Variants in TARS3 observed in about 807,000 individuals in gnomAD.
TARS3 encodes the protein threonyl-tRNA synthetase 3.
In TARS3, 94 loss-of-function variants were observed where a neutral mutation model predicts 103.5. The ratio of observed to expected loss-of-function variants is 0.91; its 90% CI spans 0.77 to 1.08. The LOEUF is 1.08. Among genes scored for constraint, TARS3 ranks in the 50% least tolerant of loss-of-function variants. TARS3 has a pLI of 0.00. For synonymous variants in TARS3, 416 were observed against 355.4 expected (o/e 1.17, Z -1.92); for missense variants, 952 against 995.2 (o/e 0.96, Z 0.58).
chr15:101,720,361 C>CTATATTAGATACTA (rs1900386541), intron 3 of TARS3, among the ~76,000 whole-genome samples: 1 of 152,218 alleles, frequency 6.6e-6, no homozygotes, highest in Non-Finnish European at 1.5e-5. Flanking sequence ...TATAAGTTCA[C>CTATATTAGATACTA]TAATGTATCT....
chr15:101,657,138 C>T (rs1897222114), intron 17 of TARS3, 102 bp from the exon 18 acceptor site: 1 of 720,532 alleles, frequency 1.4e-6, no homozygotes, highest in Admixed American at 2.5e-5. Flanking sequence ...TGTATAGTTC[C>T]CTGCTCACTA....
Position 101,684,084 on chromosome 15 carries a change from T to C in TARS3, c.1641A>G (p.Thr547=), listed in dbSNP as rs893294662. The change falls in exon 12 of 19, where the codon ACA becomes ACG. Residue 547 remains threonine, a synonymous_variant. Transcript: ENST00000335968. ...FQQDDAHIFC[T]VEQIEEEIKG... ...CTGTGTTATTGTTTACCTGCTCCAC[T>C]GTGCAAAAAATGTGAGCATCGTCCT... The C allele has an allele frequency of 2.7e-5, 44 of 1,612,882 alleles. No individual in the cohort carries two copies. Among genetic ancestry groups the C allele is most frequent in the Non-Finnish European group, 3.7e-5 (44 of 1,179,452 alleles).
In TARS3 at chr15:101,653,935, CTG is replaced by C. The variant is rs1327654547; in HGVS notation, c.*645_*646del. On this transcript the variant is annotated 3_prime_UTR_variant, in exon 19 of 19. Transcript: ENST00000335968. ...GCCCACAGCTGAAACGCTGGAAACACTGATGCAATTCATTTGGGAATTTATTT... is the reference window on the plus strand; with the variant it reads ...GCCCACAGCTGAAACGCTGGAAACACATGCAATTCATTTGGGAATTTATTT... 1 of 152,290 alleles carries C rather than the reference CTG, an allele frequency of 6.6e-6. No individual in the cohort carries two copies. Among genetic ancestry groups the C allele is most frequent in the Non-Finnish European group, 1.5e-5 (1 of 68,092 alleles). 9.4% of individuals were successfully genotyped at this position (152,290 alleles called of 1,614,324 possible).
intron 9 of TARS3, 135 bp downstream of exon 9, chr15:101,702,104 G>A: frequency 1.1e-6 from 1 of 918,456 alleles, no homozygotes; most frequent in Non-Finnish European, 1.7e-6. Flanking sequence ...GCACTGAGCA[G>A]CGGACTGTGA....
At chr15:101,696,492 G>A (rs1898989133) in intron 10 of TARS3, among the ~76,000 whole-genome samples, 2 of 152,148 alleles carry the variant, frequency 1.3e-5, no homozygotes, top group South Asian at 4.1e-4. Flanking sequence ...TTGGAACTAT[G>A]AAAGACAGTA....
At position 101,674,611 on chromosome 15, in the gene TARS3, C is replaced by T. The variant is rs1381148263; in HGVS notation, c.1788+989G>A. ...CAGGAGGTCAGGAGATCGAGACCAT[C>T]CTGGCTAACACGGTGAAGCCCTGTC... On this transcript the variant is annotated intron_variant, in intron 13 of 18. Coordinates refer to ENST00000335968, the MANE Select transcript of TARS3 (RefSeq NM_152334.3). 2.6e-5 allele frequency among the ~76,000 whole-genome samples: 4 copies of T among 151,968 alleles called. 1 individual carries two copies. Among genetic ancestry groups the T allele is most frequent in the Non-Finnish European group, 5.9e-5 (4 of 67,984 alleles).
chr15:101,719,203 A>G (rs1221729355), intron 3 of TARS3, among the ~76,000 whole-genome samples: 2 of 152,008 alleles, frequency 1.3e-5, no homozygotes, highest in Admixed American at 1.3e-4. Flanking sequence ...ACTCCCTGCT[A>G]TATTTCTCCT....
chr15:101,667,487 T>C (rs190452280), intron 15 of TARS3, among the ~76,000 whole-genome samples: 21 of 152,342 alleles, frequency 1.4e-4, no homozygotes, highest in African/African-American at 4.8e-4. Flanking sequence ...ATCTTCATCA[T>C]TGATCTTAGC....
intron 10 of TARS3, among the ~76,000 whole-genome samples, chr15:101,699,003 G>A (rs895843639): frequency 1.3e-5 from 2 of 152,176 alleles, no homozygotes; most frequent in African/African-American, 4.8e-5. Context: ...CCCTAACCCA[G>A]TGCAATCTCT....
intron 16 of TARS3, among the ~76,000 whole-genome samples, chr15:101,660,612 G>A (rs1437432090): frequency 2.0e-5 from 3 of 152,184 alleles, no homozygotes; most frequent in Non-Finnish European, 4.4e-5. Flanking sequence ...CATGATGAAA[G>A]GGATCCAACG....
At chr15:101,722,011 T>A (rs917079949) in intron 2 of TARS3, among the ~76,000 whole-genome samples, 6 of 152,226 alleles carry the variant, frequency 3.9e-5, no homozygotes, top group Non-Finnish European at 2.9e-5. Context: ...TAGGCTAGGC[T>A]AAACTACGAT....
chr15:101,714,605 CAAAAAAAAAAAAA>C (rs35014693), intron 4 of TARS3: 7 of 77,762 alleles, frequency 9.0e-5, no homozygotes, highest in South Asian at 4.5e-4. Flanking sequence ...GACTCCATCT[CAAAAAAAAAAAAA>C]AAAAAAAAAA....
At chr15:101,702,861 C>A (rs1004902534) in intron 8 of TARS3, among the ~76,000 whole-genome samples, 1 of 152,188 alleles carries the variant, frequency 6.6e-6, no homozygotes, top group Non-Finnish European at 1.5e-5. Context: ...TCTAACTAAA[C>A]CTTCCCAGCC....
At chr15:101,705,533 T>C in intron 7 of TARS3, 150 bp downstream of exon 7, 1 of 669,044 alleles carries the variant, frequency 1.5e-6, no homozygotes, top group Non-Finnish European at 2.6e-6. Flanking sequence ...CATTTCTCTT[T>C]AGTGAAAACA....
intron 15 of TARS3, among the ~76,000 whole-genome samples, chr15:101,664,012 A>AC (rs1567323687): frequency 6.6e-6 from 1 of 152,012 alleles, no homozygotes; most frequent in Non-Finnish European, 1.5e-5. Flanking sequence ...TTAGGGAAAA[A>AC]CCCTTACTCA....
chr15:101,671,806 C>G, intron 13 of TARS3, 58 bp from the exon 14 acceptor site: 1 of 1,402,286 alleles, frequency 7.1e-7, no homozygotes, highest in South Asian at 1.3e-5. Flanking sequence ...TTTTTACATA[C>G]AGCTCACAAA....
chr15:101,720,578 T>A (rs1365093842), intron 3 of TARS3, among the ~76,000 whole-genome samples: 2 of 152,192 alleles, frequency 1.3e-5, no homozygotes, highest in Non-Finnish European at 2.9e-5. Flanking sequence ...TGTTCTGATA[T>A]TCAACTACTT....
intron 15 of TARS3, among the ~76,000 whole-genome samples, chr15:101,671,257 G>T (rs991579531): frequency 2.6e-5 from 4 of 152,050 alleles, no homozygotes; most frequent in Non-Finnish European, 5.9e-5. Flanking sequence ...ATATTTTCAT[G>T]GAACTTTGTT....
intron 2 of TARS3, among the ~76,000 whole-genome samples, chr15:101,722,716 G>A (rs1280984328): frequency 6.7e-6 from 1 of 150,058 alleles, no homozygotes; most frequent in Non-Finnish European, 1.5e-5. Context: ...CTACTCAGGA[G>A]GCTGAGGCAG....
Sources: allele counts gnomAD v4.1 joint callset (sites outside exome capture counted in the v4.1 genomes callset), GRCh38; gene constraint gnomAD v4.1.1; transcripts MANE v1.5; gene names NCBI Gene and HGNC (gene_info 2026-07-23, HGNC 2026-07-21).